Variants in PMS1 observed in about 807,000 individuals in gnomAD.
PMS1 encodes PMS1 homolog 1, mismatch repair system component, also known as PMS1 protein homolog 1.
PMS1 carries 79 observed loss-of-function variants against 93.1 expected under a neutral mutation model. The observed-to-expected ratio is 0.85, with a 90% confidence interval of 0.71 to 1.02. The LOEUF (loss-of-function observed/expected upper bound fraction) is 1.02. Among genes scored for constraint, PMS1 ranks in the 50% least tolerant of loss-of-function variants. PMS1 has a pLI of 0.00. For synonymous variants in PMS1, 335 were observed against 363.4 expected, an observed-to-expected ratio of 0.92 and a Z score of 0.89; for missense variants, 1,064 against 1,085.3, an observed-to-expected ratio of 0.98 and a Z score of 0.28.
At position 189,877,302 on chromosome 2, in the gene PMS1, C is replaced by G. The variant is rs374879205; in HGVS notation, c.2665C>G (p.Pro889Ala). Residue 889 changes from proline (P) to alanine (A), a missense_variant, in exon 13 of 13, where the codon CCC becomes GCC. Coordinates refer to ENST00000441310, the MANE Select transcript of PMS1 (RefSeq NM_000534.5). ...GEAVRLSRQL[P>A]MYLSKEDIQD... is the part of the protein sequence containing the mutation. Reference sequence around the variant, plus strand: ...AGCAGTGCGTCTATCCAGACAATTACCCATGTACTTATCAAAAGAGGACAT... The same window carrying G: ...AGCAGTGCGTCTATCCAGACAATTAGCCATGTACTTATCAAAAGAGGACAT... 3.7e-6 allele frequency: 6 copies of G among 1,613,518 alleles called. No individual in the cohort carries two copies. Among genetic ancestry groups the G allele is most frequent in the Non-Finnish European group, 5.1e-6 (6 of 1,179,592 alleles).
chr2:189,812,305 C>T (rs907609493), intron 4 of PMS1, among the ~76,000 whole-genome samples: 1 of 151,992 alleles, frequency 6.6e-6, no homozygotes, highest in Non-Finnish European at 1.5e-5. Context: ...TCAAATGAAA[C>T]AAAACAAAAA....
Position 189,858,720 on chromosome 2 carries a change from A to G in PMS1, c.1856+3592A>G, listed in dbSNP as rs1350182927. Among the ~76,000 whole-genome samples, 5 of 152,286 alleles carry G rather than the reference A, an allele frequency of 3.3e-5. No homozygotes were observed. In the East Asian group the frequency reaches 5.8e-4, roughly 18 times the overall value. ...TGTTGAAAGTAAACTATTGAAAATC[A>G]TGTGTTTTGTATAGCTAATCCAGAA... is the stretch of plus-strand genomic sequence containing the variant. On this transcript the variant is annotated intron_variant, in intron 9 of 12. Transcript: ENST00000441310.
chr2:189,799,977 T>C (rs2049740830), intron 3 of PMS1, among the ~76,000 whole-genome samples: 2 of 152,234 alleles, frequency 1.3e-5, no homozygotes, highest in Admixed American at 6.5e-5. Context: ...GTAGGTCTTC[T>C]GTGCTTCAGT....
chr2:189,805,572 A>C (rs1259297360), intron 3 of PMS1, 80 bp from the exon 4 acceptor site: 1 of 1,102,310 alleles, frequency 9.1e-7, no homozygotes, highest in Non-Finnish European at 1.4e-6. Flanking sequence ...TATATTATGC[A>C]ATAATCATTT....
At chr2:189,805,954 A>G in intron 4 of PMS1, 200 bp downstream of exon 4, 1 of 1,483,726 alleles carries the variant, frequency 6.7e-7, no homozygotes, top group Non-Finnish European at 8.9e-7. Flanking sequence ...CTCAAAAGGA[A>G]CTGTATGAGA....
chr2:189,858,056 C>G (rs768927349), intron 9 of PMS1, among the ~76,000 whole-genome samples: 2 of 152,060 alleles, frequency 1.3e-5, no homozygotes, highest in Non-Finnish European at 2.9e-5. Context: ...GTTCTCAAAG[C>G]TATAACAAAG....
At position 189,863,766 on chromosome 2, in the gene PMS1, A is replaced by G. The variant is rs1559321533; in HGVS notation, c.1880A>G (p.Asp627Gly). ...KLKYEEKATK[D>G]LERYNSQMKR... ...AGATATGAAGAGAAGGCTACTAAAG[A>G]CTTGGAACGATACAATAGTCAAATG... is the stretch of plus-strand genomic sequence containing the variant. The change falls in exon 10 of 13, where the codon GAC becomes GGC. Residue 627 changes from aspartate to glycine, a missense_variant. Transcript: ENST00000441310. The G allele has an allele frequency of 6.2e-7, 1 of 1,600,480 alleles. No homozygotes were observed. Among genetic ancestry groups the G allele is most frequent in the Non-Finnish European group, 8.6e-7 (1 of 1,167,708 alleles).
intron 4 of PMS1, among the ~76,000 whole-genome samples, chr2:189,816,150 G>A (rs137935253): frequency 2.6e-4 from 40 of 152,152 alleles, no homozygotes; most frequent in African/African-American, 9.1e-4. Context: ...TACTGCCTAA[G>A]GCTCCCAAGT....
chr2:189,793,520 C>T (rs955666622), intron 2 of PMS1, among the ~76,000 whole-genome samples: 1 of 152,060 alleles, frequency 6.6e-6, no homozygotes, highest in Non-Finnish European at 1.5e-5. Flanking sequence ...ATTTGTTTTT[C>T]TTAGGCATTT....
At position 189,852,661 on chromosome 2, in the gene PMS1, C is replaced by A. The variant is rs1256397998; in HGVS notation, c.706C>A (p.Leu236Ile). ...TTCTGTAATTATTATATAGATTTATCTCAGTGGATTTCTTCCAAAGTGTGA... is the reference window on the plus strand; with the variant it reads ...TTCTGTAATTATTATATAGATTTATATCAGTGGATTTCTTCCAAAGTGTGA... ...QYHSEESQIY[L>I]SGFLPKCDAD... is the part of the protein sequence containing the mutation. The change falls in exon 7 of 13, where the codon CTC becomes ATC. Residue 236 changes from leucine to isoleucine, a missense_variant. Physicochemically the swap from Leu to Ile is conservative, Grantham distance 5 (BLOSUM62 2). Transcript: ENST00000441310. The A allele has an allele frequency of 1.4e-5, 22 of 1,606,344 alleles. No individual in the cohort carries two copies. The highest frequency in any genetic ancestry group is 1.8e-5 in the Non-Finnish European group (21 of 1,173,322).
At chr2:189,810,335 G>C (rs992199024) in intron 4 of PMS1, among the ~76,000 whole-genome samples, 1 of 152,214 alleles carries the variant, frequency 6.6e-6, no homozygotes, top group Non-Finnish European at 1.5e-5. Context: ...TTGAAGACCT[G>C]TGTCACAGAG....
At chr2:189,810,403 T>C (rs1386121939) in intron 4 of PMS1, among the ~76,000 whole-genome samples, 5 of 152,218 alleles carry the variant, frequency 3.3e-5, no homozygotes, top group African/African-American at 1.2e-4. Context: ...AAGAAGTGCC[T>C]GGTGGCCATT....
At chr2:189,786,903 A>G (rs1245686862) in intron 1 of PMS1, among the ~76,000 whole-genome samples, 2 of 152,106 alleles carry the variant, frequency 1.3e-5, no homozygotes, top group Non-Finnish European at 2.9e-5. Flanking sequence ...AATACAAAAA[A>G]TTAGCCAGGT....
At chr2:189,792,480 T>C (rs186003122) in intron 2 of PMS1, among the ~76,000 whole-genome samples, 2 of 152,152 alleles carry the variant, frequency 1.3e-5, no homozygotes, top group East Asian at 3.9e-4. Context: ...GGCTAGTACC[T>C]AGTATGCACT....
chr2:189,844,712 C>A (rs2054109841), intron 6 of PMS1, among the ~76,000 whole-genome samples: 1 of 146,474 alleles, frequency 6.8e-6, no homozygotes, highest in Non-Finnish European at 1.5e-5. Flanking sequence ...AAAACTTTTT[C>A]TTGATCTATC....
At chr2:189,796,337 A>G (rs1012693437) in intron 3 of PMS1, among the ~76,000 whole-genome samples, 3 of 152,130 alleles carry the variant, frequency 2.0e-5, no homozygotes, top group Non-Finnish European at 2.9e-5. Context: ...CCACCTAGGC[A>G]AGATAGAGTG....
chr2:189,806,471 C>T (rs966490132), intron 4 of PMS1: 1 of 290,666 alleles, frequency 3.4e-6, no homozygotes. Flanking sequence ...CATCTTGGTT[C>T]ACTGCAACCT....
chr2:189,865,133 T>TA (rs2056531732), intron 10 of PMS1, among the ~76,000 whole-genome samples: 1 of 152,122 alleles, frequency 6.6e-6, no homozygotes, highest in Non-Finnish European at 1.5e-5. Flanking sequence ...TTTCATACCT[T>TA]AAATAATAAT....
rs763981334 is a variant in PMS1, at chr2:189,873,478, T to G, written c.2474-18T>G. On this transcript the variant is annotated intron_variant, in intron 11 of 12. Coordinates refer to ENST00000441310, the MANE Select transcript of PMS1 (RefSeq NM_000534.5). Reference sequence around the variant, plus strand: ...GGAATATGAACTTAACTATGTGTTTTTATTTTTTTTCTTTCAGGAGTTTCA... The same window carrying G: ...GGAATATGAACTTAACTATGTGTTTGTATTTTTTTTCTTTCAGGAGTTTCA... 6 of 1,547,036 alleles carry G rather than the reference T, an allele frequency of 3.9e-6. No homozygotes were observed. The African/African-American group carries it at 8.2e-5, about 21-fold the overall frequency.
Sources: gnomAD v4.1 joint callset for allele counts (sites outside exome capture counted in the v4.1 genomes callset) on GRCh38, gnomAD v4.1.1 for gene constraint, MANE v1.5 for transcripts, NCBI Gene and HGNC (gene_info 2026-07-23, HGNC 2026-07-21) for gene names.